Variants in FRMPD4 observed in about 807,000 individuals in gnomAD.
FRMPD4 encodes the protein FERM and PDZ domain containing 4.
In FRMPD4, 22 loss-of-function variants were observed where a neutral mutation model predicts 94.1. That is an observed-to-expected ratio of 0.23 (90% CI 0.17 to 0.33). FRMPD4 has a LOEUF of 0.33. FRMPD4 is among the 10% of genes least tolerant of loss of function. FRMPD4 has a pLI of 1.00. For synonymous variants in FRMPD4, 631 were observed against 548.6 expected (o/e 1.15, Z -2.10); for missense variants, 1,111 against 1,339.9 (o/e 0.83, Z 2.67).
chrX:12,557,836 G>T (rs993648812), intron 2 of FRMPD4, among the ~76,000 whole-genome samples: 3 of 111,012 alleles, frequency 2.7e-5, no homozygotes, highest in Admixed American at 9.6e-5. Context: ...GATTTTACCT[G>T]TTCAGAAGGG....
At chrX:12,060,911 A>G (rs1433937849) in intron 3 of FRMPD4, among the ~76,000 whole-genome samples, 1 of 112,220 alleles carries the variant, frequency 8.9e-6, no homozygotes, top group Non-Finnish European at 1.9e-5. Context: ...ATTTTCCTGC[A>G]TAATATCTAC....
chrX:12,118,834 G>A (rs144462341), intron 3 of FRMPD4, among the ~76,000 whole-genome samples: 22 of 112,057 alleles, frequency 2.0e-4, no homozygotes, highest in Non-Finnish European at 3.8e-4. Context: ...GGACACTGGG[G>A]CTGAAAGCTG....
At chrX:12,129,419 T>C (rs756402863) in intron 3 of FRMPD4, among the ~76,000 whole-genome samples, 6 of 110,825 alleles carry the variant, frequency 5.4e-5, no homozygotes, top group Non-Finnish European at 1.1e-4. Flanking sequence ...AGCATGGGGG[T>C]AACTGCCCCC....
chrX:12,677,909 C>T (rs764418139), intron 5 of FRMPD4, among the ~76,000 whole-genome samples: 25 of 111,792 alleles, frequency 2.2e-4, no homozygotes, highest in Non-Finnish European at 3.9e-4. Context: ...AGGCTTTCCC[C>T]ACCACCACGA....
intron 1 of FRMPD4, among the ~76,000 whole-genome samples, chrX:11,829,234 G>A (rs1215081818): frequency 3.6e-5 from 4 of 111,874 alleles, no homozygotes; most frequent in Non-Finnish European, 7.5e-5. Context: ...CCATGGCCCA[G>A]TCAAGTTGAC....
chrX:11,825,535 T>C (rs1448374958), intron 1 of FRMPD4, among the ~76,000 whole-genome samples: 3 of 110,973 alleles, frequency 2.7e-5, no homozygotes, highest in Non-Finnish European at 5.7e-5. Context: ...GGAGTGATTA[T>C]CAGTGTTTAA....
intron 1 of FRMPD4, among the ~76,000 whole-genome samples, chrX:12,295,013 G>GTA (rs1169503965): frequency 8.9e-6 from 1 of 112,244 alleles, no homozygotes; most frequent in Non-Finnish European, 1.9e-5. Context: ...AAATGTCTGT[G>GTA]TATGAATCTA....
intron 2 of FRMPD4, among the ~76,000 whole-genome samples, chrX:12,557,134 G>A (rs953569593): frequency 1.8e-5 from 2 of 111,864 alleles, no homozygotes; most frequent in African/African-American, 6.5e-5. Flanking sequence ...ATATGCATGG[G>A]GAGAACCACA....
intron 14 of FRMPD4, among the ~76,000 whole-genome samples, chrX:12,713,469 C>T (rs1193687112): frequency 4.3e-5 from 4 of 93,105 alleles, no homozygotes; most frequent in Non-Finnish European, 8.4e-5. Flanking sequence ...AGATACAGGG[C>T]GGGAGGTAGG....
chrX:11,944,965 A>T (rs962667067), intron 3 of FRMPD4, among the ~76,000 whole-genome samples: 7 of 112,373 alleles, frequency 6.2e-5, no homozygotes, highest in Middle Eastern at 4.6e-3. Flanking sequence ...ATGTTATAGA[A>T]GCAACAGCTT....
At chrX:12,401,617 A>T (rs2056609915) in intron 1 of FRMPD4, among the ~76,000 whole-genome samples, 1 of 112,312 alleles carries the variant, frequency 8.9e-6, no homozygotes, top group South Asian at 3.7e-4. Flanking sequence ...AATATCTAAC[A>T]TAAGTTGAAT....
chrX:12,570,487 G>T (rs1469666949), intron 2 of FRMPD4, among the ~76,000 whole-genome samples: 1 of 109,901 alleles, frequency 9.1e-6, no homozygotes, highest in Non-Finnish European at 1.9e-5. Context: ...GGTATTTTTA[G>T]TAGAGATGGG....
chrX:12,438,999 A>G (rs1052075500), intron 1 of FRMPD4, among the ~76,000 whole-genome samples: 1 of 111,214 alleles, frequency 9.0e-6, no homozygotes, highest in South Asian at 3.9e-4. Flanking sequence ...CTATCCTTAT[A>G]AGGATATGTT....
intron 1 of FRMPD4, among the ~76,000 whole-genome samples, chrX:12,353,774 A>G (rs2055850273): frequency 8.9e-6 from 1 of 112,459 alleles, no homozygotes; most frequent in Admixed American, 9.4e-5. Flanking sequence ...TAGAAATTGT[A>G]TAGACGACTA....
intron 1 of FRMPD4, among the ~76,000 whole-genome samples, chrX:12,142,618 T>C (rs2055706705): frequency 1.8e-5 from 2 of 112,208 alleles, no homozygotes; most frequent in African/African-American, 6.5e-5. Flanking sequence ...TTTTTGTGAC[T>C]GTCAGGAGGT....
At chrX:12,186,893 A>T (rs1201686508) in intron 1 of FRMPD4, among the ~76,000 whole-genome samples, 1 of 112,003 alleles carries the variant, frequency 8.9e-6, no homozygotes, top group East Asian at 2.8e-4. Context: ...TGTATTTCCT[A>T]TAACCTTTCT....
intron 1 of FRMPD4, among the ~76,000 whole-genome samples, chrX:12,457,226 T>C (rs757877199): frequency 1.7e-4 from 19 of 111,824 alleles, no homozygotes; most frequent in Middle Eastern, 4.6e-3. Flanking sequence ...GAACATTTTC[T>C]GGTGGGAATC....
chrX:12,425,690 C>T (rs1023246089), intron 1 of FRMPD4, among the ~76,000 whole-genome samples: 5 of 111,683 alleles, frequency 4.5e-5, no homozygotes, highest in Non-Finnish European at 9.4e-5. Flanking sequence ...AAACATCCTA[C>T]AATGCATGCG....
intron 2 of FRMPD4, among the ~76,000 whole-genome samples, chrX:12,556,591 T>A (rs1478346823): frequency 4.5e-5 from 5 of 111,909 alleles, no homozygotes; most frequent in African/African-American, 1.6e-4. Flanking sequence ...GAGAACCCAG[T>A]TAAGCCATGC....
Sources: gnomAD v4.1 joint callset for allele counts (sites outside exome capture counted in the v4.1 genomes callset) on GRCh38, gnomAD v4.1.1 for gene constraint, MANE v1.5 for transcripts, NCBI Gene and HGNC (gene_info 2026-07-23, HGNC 2026-07-21) for gene names.